The following SLCO6A1 variants were observed in gnomAD, a reference collection of about 807,000 sequenced individuals.
The protein encoded by SLCO6A1 is cancer/testis antigen 48.
A neutral mutation model predicts 72.7 loss-of-function variants in SLCO6A1; 65 were observed. The ratio of observed to expected loss-of-function variants is 0.89; its 90% CI spans 0.73 to 1.10. The LOEUF is 1.10. Among genes scored for constraint, SLCO6A1 ranks in the 50% least tolerant of loss-of-function variants. The pLI is 0.00. For missense variants in SLCO6A1, 874 were observed against 872.6 expected (o/e 1.00, Z -0.02); for synonymous variants, 314 against 298.2 (o/e 1.05, Z -0.55).
intron 13 of SLCO6A1, among the ~76,000 whole-genome samples, chr5:102,372,437 T>C (rs1265059796): frequency 6.6e-6 from 1 of 152,002 alleles, no homozygotes; most frequent in Admixed American, 6.6e-5. Flanking sequence ...CTGATTTTTA[T>C]ACAATATTTG....
intron 6 of SLCO6A1, among the ~76,000 whole-genome samples, chr5:102,447,142 TTC>T (rs1278609140): frequency 2.0e-5 from 3 of 152,220 alleles, no homozygotes; most frequent in Non-Finnish European, 4.4e-5. Context: ...TTGTTTTTAG[TTC>T]TGTTTATGTG....
intron 6 of SLCO6A1, among the ~76,000 whole-genome samples, chr5:102,446,992 A>G (rs1350409788): frequency 2.6e-5 from 4 of 152,090 alleles, no homozygotes; most frequent in Non-Finnish European, 5.9e-5. Flanking sequence ...TGACCTCGTG[A>G]TTTGCCACCT....
Position 102,459,708 on chromosome 5 carries a change from G to C in SLCO6A1, c.969C>G (p.Val323=). ...ATGGTATTAATGTACACCATGCAACGACAGCGGCAAAAAGAAAATTAATCC... is the reference window on the plus strand; with the variant it reads ...ATGGTATTAATGTACACCATGCAACCACAGCGGCAAAAAGAAAATTAATCC... ...TWWINFLFAA[V]VAWCTLIPLS... The change falls in exon 5 of 14, where the codon GTC becomes GTG. Residue 323 remains valine, a synonymous_variant. Coordinates refer to ENST00000506729, the MANE Select transcript of SLCO6A1 (RefSeq NM_173488.5). The C allele has an allele frequency of 6.2e-7, 1 of 1,610,236 alleles. No individual in the cohort carries two copies. The highest frequency in any genetic ancestry group is 8.5e-7 in the Non-Finnish European group (1 of 1,178,410).
intron 4 of SLCO6A1, among the ~76,000 whole-genome samples, chr5:102,473,995 T>A (rs1751764774): frequency 6.6e-6 from 1 of 151,970 alleles, no homozygotes; most frequent in Non-Finnish European, 1.5e-5. Flanking sequence ...AGAATATTGT[T>A]AAAATGTTTA....
At chr5:102,440,936 T>C (rs1749802385) in intron 6 of SLCO6A1, among the ~76,000 whole-genome samples, 2 of 152,190 alleles carry the variant, frequency 1.3e-5, no homozygotes, top group Admixed American at 1.3e-4. Flanking sequence ...TGGGATTCTT[T>C]TTGTGTGTAT....
chr5:102,375,137 A>C (rs183498856), intron 12 of SLCO6A1, among the ~76,000 whole-genome samples: 8 of 152,320 alleles, frequency 5.3e-5, no homozygotes, highest in Middle Eastern at 6.8e-3. Context: ...GAAGTGACAA[A>C]GTTGAAGACA....
intron 4 of SLCO6A1, among the ~76,000 whole-genome samples, chr5:102,472,057 C>T (rs144007840): frequency 6.6e-6 from 1 of 152,146 alleles, no homozygotes; most frequent in East Asian, 1.9e-4. Flanking sequence ...TTCTCATCTG[C>T]CAATGACTCT....
At chr5:102,461,516 A>C (rs1580470163) in intron 4 of SLCO6A1, among the ~76,000 whole-genome samples, 1 of 152,276 alleles carries the variant, frequency 6.6e-6, no homozygotes, top group East Asian at 1.9e-4. Context: ...ATAGAAAACT[A>C]TACAATAAAG....
At chr5:102,480,561 T>C (rs1752144441) in intron 1 of SLCO6A1, 127 bp from the exon 2 acceptor site, 2 of 910,280 alleles carry the variant, frequency 2.2e-6, no homozygotes, top group Admixed American at 2.9e-5. Context: ...GTTTAAAAGC[T>C]ATAAGCAAGT....
At chr5:102,459,280 C>T (rs933193337) in intron 5 of SLCO6A1, among the ~76,000 whole-genome samples, 5 of 152,032 alleles carry the variant, frequency 3.3e-5, no homozygotes, top group East Asian at 3.9e-4. Flanking sequence ...ACTTGCTGAA[C>T]ATGGTGGCAT....
At chr5:102,412,218 C>T (rs1271649778) in intron 9 of SLCO6A1, among the ~76,000 whole-genome samples, 2 of 150,124 alleles carry the variant, frequency 1.3e-5, no homozygotes, top group East Asian at 4.0e-4. Context: ...CAATGTATTT[C>T]TCAAATGTAT....
chr5:102,468,892 C>T (rs982234995), intron 4 of SLCO6A1, among the ~76,000 whole-genome samples: 1 of 152,128 alleles, frequency 6.6e-6, no homozygotes, highest in African/African-American at 2.4e-5. Context: ...AACCAGTTTT[C>T]CCAGCACCAT....
In SLCO6A1 at chr5:102,402,087, C is replaced by T. The variant is rs538951137; in HGVS notation, c.1627-2345G>A. On this transcript the variant is annotated intron_variant, in intron 9 of 13. Transcript: ENST00000506729. ...GAGTCCATGTATTAGAGAAAGTGAGCTGAAAGAAAGGAAGTTGTAGATCAA... is the reference window on the plus strand; with the variant it reads ...GAGTCCATGTATTAGAGAAAGTGAGTTGAAAGAAAGGAAGTTGTAGATCAA... 1.4e-3 allele frequency among the ~76,000 whole-genome samples: 214 copies of T among 151,878 alleles called. 6 individuals are homozygous for T. In the South Asian group the frequency reaches 0.042, roughly 30 times the overall value.
At chr5:102,486,170 T>C (rs2112847203) in intron 1 of SLCO6A1, among the ~76,000 whole-genome samples, 1 of 152,288 alleles carries the variant, frequency 6.6e-6, no homozygotes, top group East Asian at 1.9e-4. Context: ...ATTTACAAAG[T>C]ATAAATTTGC....
At chr5:102,408,370 C>T (rs1273188153) in intron 9 of SLCO6A1, among the ~76,000 whole-genome samples, 1 of 131,692 alleles carries the variant, frequency 7.6e-6, no homozygotes, top group Non-Finnish European at 1.7e-5. Context: ...ACTAATAGTT[C>T]CCAAAAATAC....
chr5:102,461,604 G>C (rs192903518), intron 4 of SLCO6A1, among the ~76,000 whole-genome samples: 58 of 136,050 alleles, frequency 4.3e-4, no homozygotes, highest in African/African-American at 2.0e-3. Flanking sequence ...GAGACAAGAA[G>C]GAAATCTATG....
intron 8 of SLCO6A1, among the ~76,000 whole-genome samples, chr5:102,414,839 G>A (rs1162967960): frequency 6.6e-6 from 1 of 152,092 alleles, no homozygotes; most frequent in Non-Finnish European, 1.5e-5. Flanking sequence ...AGGTTGCAGT[G>A]AGCTGAGATT....
chr5:102,381,857 T>C (rs1002285951), intron 12 of SLCO6A1, among the ~76,000 whole-genome samples: 1 of 151,608 alleles, frequency 6.6e-6, no homozygotes, highest in Non-Finnish European at 1.5e-5. Flanking sequence ...TTGGCCATTT[T>C]TATGTCATCT....
At chr5:102,392,049 A>C (rs549592417) in intron 10 of SLCO6A1, among the ~76,000 whole-genome samples, 1 of 151,898 alleles carries the variant, frequency 6.6e-6, no homozygotes, top group South Asian at 2.1e-4. Flanking sequence ...CTCAATACTT[A>C]CTTTTTGTTT....
Sources: allele counts gnomAD v4.1 joint callset (sites outside exome capture counted in the v4.1 genomes callset), GRCh38; gene constraint gnomAD v4.1.1; transcripts MANE v1.5; gene names NCBI Gene and HGNC (gene_info 2026-07-23, HGNC 2026-07-21).